The following VPS45 variants were observed in gnomAD, a reference collection of about 807,000 sequenced individuals.
VPS45 encodes the protein vacuolar protein sorting-associated protein 45.
In VPS45, 35 loss-of-function variants were observed where a neutral mutation model predicts 75.9. The observed-to-expected ratio is 0.46, with a 90% CI of 0.35 to 0.61. The LOEUF is 0.61. VPS45 is among the 20% of genes least tolerant of loss of function. The pLI is 0.00. For missense variants in VPS45, 559 were observed against 685.9 expected (o/e 0.81, Z 2.07); for synonymous variants, 220 against 238.2 (o/e 0.92, Z 0.70).
In VPS45 at chr1:150,076,936, T is replaced by G; in HGVS notation, c.390T>G (p.Ile130Met). 1 of 1,614,156 alleles carries G rather than the reference T, an allele frequency of 6.2e-7. No homozygotes were observed. The highest frequency in any genetic ancestry group is 8.5e-7 in the Non-Finnish European group (1 of 1,180,008). Reference sequence around the variant, plus strand: ...TGCAGGAATTTTATGGTGATTACATTGCTGTGAACCCACATTTGTTTTCCC... The same window carrying G: ...TGCAGGAATTTTATGGTGATTACATGGCTGTGAACCCACATTTGTTTTCCC... ...AEVQEFYGDY[I>M]AVNPHLFSLN... is the part of the protein sequence containing the mutation. Residue 130 changes from isoleucine (I) to methionine (M), a missense_variant, in exon 5 of 15, where the codon ATT (isoleucine) becomes ATG (methionine). By Grantham distance (10) the Ile-to-Met change is conservative (BLOSUM62 1). Transcript: ENST00000644510.
intron 14 of VPS45, among the ~76,000 whole-genome samples, chr1:150,124,252 A>G (rs1553810191): frequency 3.9e-5 from 6 of 152,068 alleles, no homozygotes; most frequent in Non-Finnish European, 8.8e-5. Context: ...CGAGGTCTGG[A>G]GTTCAAGACC....
At position 150,077,225 on chromosome 1, in the gene VPS45, C is replaced by T. The variant is rs114087868; in HGVS notation, c.570C>T (p.Cys190=). Residue 190 remains cysteine (C), a synonymous_variant, in exon 6 of 15, where the codon TGC becomes TGT. Transcript: ENST00000644510. ...SSEAAKRLAE[C]VKQVITKEYE... Reference sequence around the variant, plus strand: ...AGGCAGCAAAGAGACTTGCAGAGTGCGTTAAGGTATGGCATTACCTATTCC... The same window carrying T: ...AGGCAGCAAAGAGACTTGCAGAGTGTGTTAAGGTATGGCATTACCTATTCC... The T allele has an allele frequency of 9.6e-4, 1,548 of 1,612,746 alleles. 10 individuals are homozygous for T. In the African/African-American group the frequency reaches 0.016, roughly 17 times the overall value.
At chr1:150,084,163 AGAGT>A (rs1389405429) in intron 10 of VPS45, among the ~76,000 whole-genome samples, 36 of 152,308 alleles carry the variant, frequency 2.4e-4, no homozygotes, top group African/African-American at 7.5e-4. Flanking sequence ...TGACCTGTAG[AGAGT>A]GAGTATGAAA....
chr1:150,138,474 A>T (rs190384690), intron 14 of VPS45, among the ~76,000 whole-genome samples: 3 of 152,250 alleles, frequency 2.0e-5, no homozygotes. Flanking sequence ...TGTCTCGACT[A>T]CTAACTCCCA....
rs587774164 is a variant in VPS45, at chr1:150,068,152, C to T, written c.93+202C>T. The T allele has an allele frequency of 6.5e-5, 35 of 541,720 alleles. No individual in the cohort carries two copies. In the East Asian group the frequency reaches 9.3e-4, roughly 14 times the overall value. 33.6% of individuals were successfully genotyped at this position (541,720 alleles called of 1,614,324 possible). A position where few individuals can be genotyped will look rare whatever the true frequency, so the allele number is the denominator to read the frequency against. On this transcript the variant is annotated intron_variant, in intron 1 of 14. Coordinates refer to ENST00000644510, the MANE Select transcript of VPS45 (RefSeq NM_007259.5). ...TCCAGCCACTGCCTAGAGACTACTT[C>T]TACCCGGAACAATTTATTGGAATCA... is the stretch of plus-strand genomic sequence containing the variant.
intron 7 of VPS45, 68 bp downstream of exon 7, chr1:150,077,847 GA>G: frequency 7.7e-7 from 1 of 1,290,592 alleles, no homozygotes; most frequent in Middle Eastern, 1.8e-4. Context: ...TACAGATAGG[GA>G]AGTAAAAACA....
intron 14 of VPS45, among the ~76,000 whole-genome samples, chr1:150,120,619 T>G (rs1230426808): frequency 6.6e-6 from 1 of 152,204 alleles, no homozygotes; most frequent in African/African-American, 2.4e-5. Context: ...CATACTTTAT[T>G]TCTTTAAAAC....
rs782075318 is a variant in VPS45 at position 150,144,795 on chromosome 1, G to C, written c.1712G>C (p.Ter571SerextTer21). 2 of 1,614,152 alleles carry C rather than the reference G, an allele frequency of 1.2e-6. No homozygotes were observed. Among genetic ancestry groups the C allele is most frequent in the South Asian group, 1.1e-5 (1 of 91,072 alleles). Residue 571 changes from the stop codon to serine, a stop_lost, in exon 15 of 15, where the codon TGA (stop) becomes TCA (serine). Transcript: ENST00000644510. ...QVTSRSASRR[*>S] Reference sequence around the variant, plus strand: ...ACATCAAGGTCAGCGAGCAGAAGATGAAACGGTGGTTGGGGGAAGGGCACA... The same window carrying C: ...ACATCAAGGTCAGCGAGCAGAAGATCAAACGGTGGTTGGGGGAAGGGCACA...
Position 150,110,559 on chromosome 1 carries a change from T to C in VPS45, c.1557T>C (p.Tyr519=), listed in dbSNP as rs1657592118. 1 of 1,613,958 alleles carries C rather than the reference T, an allele frequency of 6.2e-7. No individual in the cohort carries two copies. The highest frequency in any genetic ancestry group is 8.5e-7 in the Non-Finnish European group (1 of 1,179,906). Residue 519 remains tyrosine, a synonymous_variant, in exon 14 of 15, where the codon TAT becomes TAC. Transcript: ENST00000644510. ...GATYEEALTV[Y]NLNRTTPGVR... Reference sequence around the variant, plus strand: ...CCTATGAAGAGGCTCTAACAGTTTATAACCTGAACCGCACCACTCCTGGAG... The same window carrying C: ...CCTATGAAGAGGCTCTAACAGTTTACAACCTGAACCGCACCACTCCTGGAG...
At chr1:150,112,989 A>G (rs1456740341) in intron 14 of VPS45, among the ~76,000 whole-genome samples, 1 of 152,132 alleles carries the variant, frequency 6.6e-6, no homozygotes, top group African/African-American at 2.4e-5. Context: ...TGATACGTTC[A>G]CCAACCCACA....
At chr1:150,115,069 C>G (rs1657861172) in intron 14 of VPS45, among the ~76,000 whole-genome samples, 1 of 152,056 alleles carries the variant, frequency 6.6e-6, no homozygotes, top group Admixed American at 6.5e-5. Context: ...ATGAAAAAGT[C>G]ATGTTTGGCA....
chr1:150,124,827 G>C (rs1399680784), intron 14 of VPS45, among the ~76,000 whole-genome samples: 1 of 151,278 alleles, frequency 6.6e-6, no homozygotes, highest in Non-Finnish European at 1.5e-5. Flanking sequence ...CCAAAGTGCT[G>C]GGATTATAGG....
At chr1:150,097,683 C>T (rs1239359872) in intron 13 of VPS45, among the ~76,000 whole-genome samples, 1 of 151,858 alleles carries the variant, frequency 6.6e-6, no homozygotes. Flanking sequence ...TATGCCATTA[C>T]ACACCAGCCT....
At chr1:150,108,905 A>G (rs1365279833) in intron 13 of VPS45, among the ~76,000 whole-genome samples, 4 of 152,146 alleles carry the variant, frequency 2.6e-5, no homozygotes, top group Non-Finnish European at 5.9e-5. Flanking sequence ...TTCCTAACAG[A>G]CCACGGACTG....
intron 14 of VPS45, among the ~76,000 whole-genome samples, chr1:150,122,721 G>A (rs1168971594): frequency 6.6e-6 from 1 of 151,890 alleles, no homozygotes; most frequent in African/African-American, 2.4e-5. Context: ...TTCATTGGCT[G>A]GGCGTGGTGG....
intron 14 of VPS45, among the ~76,000 whole-genome samples, chr1:150,112,306 T>G (rs1553807328): frequency 1.6e-4 from 24 of 152,200 alleles, no homozygotes. Context: ...ATTACTTTAA[T>G]TTTATATGGT....
chr1:150,105,081 C>A (rs1375777347), intron 13 of VPS45, among the ~76,000 whole-genome samples: 1 of 152,208 alleles, frequency 6.6e-6, no homozygotes, highest in East Asian at 1.9e-4. Flanking sequence ...TCCCTTTTCT[C>A]CGCATCCATG....
chr1:150,083,476 C>G (rs1288092447), intron 10 of VPS45, among the ~76,000 whole-genome samples: 1 of 151,738 alleles, frequency 6.6e-6, no homozygotes, highest in Non-Finnish European at 1.5e-5. Context: ...ATACCAAGCA[C>G]TATGTACTAT....
intron 12 of VPS45, 68 bp from the exon 13 acceptor site, chr1:150,093,459 G>A: frequency 1.9e-6 from 3 of 1,564,470 alleles, no homozygotes; most frequent in South Asian, 1.2e-5. Context: ...TTTCTGATAT[G>A]AATATTATTA....
Sources: allele counts gnomAD v4.1 joint callset (sites outside exome capture counted in the v4.1 genomes callset), GRCh38; gene constraint gnomAD v4.1.1; transcripts MANE v1.5; gene names NCBI Gene and HGNC (gene_info 2026-07-23, HGNC 2026-07-21).